The following CTNND2 variants were observed in gnomAD, a reference collection of about 807,000 sequenced individuals.
CTNND2 encodes the protein catenin delta 2.
A neutral mutation model predicts 144.4 loss-of-function variants in CTNND2; 22 were observed. The ratio of observed to expected loss-of-function variants is 0.15; its 90% CI spans 0.11 to 0.22. The LOEUF (loss-of-function observed/expected upper bound fraction) is 0.22, where lower values mean the gene tolerates loss of function less well. Ranked by LOEUF, CTNND2 falls within the 10% of genes least tolerant of loss-of-function variation. The pLI is 1.00. For synonymous variants in CTNND2, 751 were observed against 695.6 expected (o/e 1.08, Z -1.25); for missense variants, 1,353 against 1,618.8 (o/e 0.84, Z 2.82).
chr5:11,214,783 C>A (rs1167851920), intron 10 of CTNND2, among the ~76,000 whole-genome samples: 1 of 152,148 alleles, frequency 6.6e-6, no homozygotes, highest in South Asian at 2.1e-4. Context: ...GCAGGTTGTT[C>A]TCCCAGAGTC....
intron 11 of CTNND2, among the ~76,000 whole-genome samples, chr5:11,164,390 T>C (rs989547248): frequency 3.9e-5 from 6 of 152,336 alleles, no homozygotes; most frequent in East Asian, 3.9e-4. Context: ...AAACTTCCTA[T>C]GGTAGCCTCA....
intron 2 of CTNND2, among the ~76,000 whole-genome samples, chr5:11,695,705 A>C (rs1364930045): frequency 6.6e-6 from 1 of 152,198 alleles, no homozygotes; most frequent in Non-Finnish European, 1.5e-5. Context: ...ATGCTGTCTT[A>C]TCATTTTAGT....
chr5:11,231,191 A>G (rs245090), intron 10 of CTNND2, among the ~76,000 whole-genome samples: 2 of 152,030 alleles, frequency 1.3e-5, no homozygotes, highest in Non-Finnish European at 2.9e-5. Context: ...TTTCTGAGGC[A>G]TCTCCAGTCC....
intron 3 of CTNND2, among the ~76,000 whole-genome samples, chr5:11,453,544 G>C (rs1243361573): frequency 1.3e-5 from 2 of 151,966 alleles, no homozygotes; most frequent in African/African-American, 4.8e-5. Flanking sequence ...GAAATATCAG[G>C]GACTCAGAGT....
At chr5:11,518,267 AAAAT>A (rs545981072) in intron 3 of CTNND2, among the ~76,000 whole-genome samples, 141 of 147,406 alleles carry the variant, frequency 9.6e-4, no homozygotes, top group African/African-American at 3.2e-3. Flanking sequence ...AAGAGTAAAA[AAAAT>A]AAATAAATAA....
rs1311018776 is a variant in CTNND2, at chr5:11,492,501, ATATATG to A, written c.287+72437_287+72442del. Among the ~76,000 whole-genome samples the A allele has an allele frequency of 6.7e-3, 839 of 124,636 alleles. 12 individuals are homozygous for A. Among genetic ancestry groups the A allele is most frequent in the African/African-American group, 0.027 (791 of 28,938 alleles). The allele number at this position is 124,636 out of a possible 152,430, so 81.8% of individuals were successfully genotyped here. A position where few individuals can be genotyped will look rare whatever the true frequency, so the allele number is the denominator to read the frequency against. On this transcript the variant is annotated intron_variant, in intron 3 of 21. Transcript: ENST00000304623. Reference sequence around the variant, plus strand: ...TATCTCTTTCTACAGCTATATATATATATATGTGTGTGTGTGTGTGTGTGTGTGTGT... The same window carrying A: ...TATCTCTTTCTACAGCTATATATATATGTGTGTGTGTGTGTGTGTGTGTGT...
intron 1 of CTNND2, among the ~76,000 whole-genome samples, chr5:11,864,188 C>T (rs1486580820): frequency 6.6e-6 from 1 of 152,144 alleles, no homozygotes; most frequent in African/African-American, 2.4e-5. Flanking sequence ...AGGGACGCCA[C>T]CAGCAAAGGC....
chr5:11,645,530 T>A (rs564179430), intron 2 of CTNND2, among the ~76,000 whole-genome samples: 1 of 152,360 alleles, frequency 6.6e-6, no homozygotes, highest in East Asian at 1.9e-4. Context: ...TTATCTAGAT[T>A]TTTTAATTTT....
chr5:11,717,931 C>T (rs1299369022), intron 2 of CTNND2, among the ~76,000 whole-genome samples: 2 of 152,164 alleles, frequency 1.3e-5, no homozygotes, highest in African/African-American at 2.4e-5. Context: ...ACCATTAATG[C>T]TATCAACACC....
intron 14 of CTNND2, among the ~76,000 whole-genome samples, chr5:11,106,058 T>C (rs964432015): frequency 1.3e-5 from 2 of 152,188 alleles, no homozygotes; most frequent in East Asian, 1.9e-4. Flanking sequence ...CATCCAAATG[T>C]CATGAGGAGC....
intron 2 of CTNND2, among the ~76,000 whole-genome samples, chr5:11,578,532 G>A (rs766794329): frequency 1.1e-4 from 17 of 152,112 alleles, no homozygotes; most frequent in African/African-American, 2.4e-4. Flanking sequence ...ACGGTGGCAC[G>A]CACCTGTAGT....
At chr5:11,221,150 T>A (rs1196425170) in intron 10 of CTNND2, among the ~76,000 whole-genome samples, 1 of 152,204 alleles carries the variant, frequency 6.6e-6, no homozygotes, top group Non-Finnish European at 1.5e-5. Flanking sequence ...CCTATAGCTT[T>A]TCTTGAAACA....
At chr5:11,450,759 G>A (rs564958211) in intron 3 of CTNND2, among the ~76,000 whole-genome samples, 7 of 152,160 alleles carry the variant, frequency 4.6e-5, no homozygotes, top group African/African-American at 1.4e-4. Context: ...TTAGTTGGGC[G>A]TGGTGGCGCA....
intron 10 of CTNND2, among the ~76,000 whole-genome samples, chr5:11,232,393 G>A (rs1432329271): frequency 6.6e-6 from 1 of 152,240 alleles, no homozygotes; most frequent in African/African-American, 2.4e-5. Flanking sequence ...CAAAGCCATA[G>A]GGCAGAGCTG....
intron 3 of CTNND2, among the ~76,000 whole-genome samples, chr5:11,545,277 G>A (rs904013073): frequency 8.0e-5 from 12 of 150,746 alleles, no homozygotes; most frequent in African/African-American, 2.4e-4. Context: ...ACCTGAGATC[G>A]CACCACTGCA....
At chr5:11,279,149 G>A (rs1370479500) in intron 9 of CTNND2, among the ~76,000 whole-genome samples, 1 of 152,112 alleles carries the variant, frequency 6.6e-6, no homozygotes, top group Non-Finnish European at 1.5e-5. Context: ...TGATTGCTCG[G>A]TTCTATAGAC....
Position 11,519,324 on chromosome 5 carries a change from T to C in CTNND2, c.287+45620A>G, listed in dbSNP as rs751022608. On this transcript the variant is annotated intron_variant, in intron 3 of 21. Coordinates refer to ENST00000304623, the MANE Select transcript of CTNND2 (RefSeq NM_001332.4). ...TTGGACTTTTGACCCCTTCATTTCA[T>C]TGAAATTGACTTTGCTAAAGTCAAT... Among the ~76,000 whole-genome samples the C allele has an allele frequency of 2.0e-5, 3 of 152,170 alleles. No individual in the cohort carries two copies. The South Asian group carries it at 6.2e-4, about 32-fold the overall frequency.
intron 3 of CTNND2, among the ~76,000 whole-genome samples, chr5:11,471,425 T>C (rs1423548872): frequency 6.6e-6 from 1 of 152,204 alleles, no homozygotes; most frequent in African/African-American, 2.4e-5. Context: ...GATTGTTTCT[T>C]TAACAAAGAG....
chr5:11,878,783 G>C (rs1356360744), intron 1 of CTNND2, among the ~76,000 whole-genome samples: 1 of 152,138 alleles, frequency 6.6e-6, no homozygotes, highest in Non-Finnish European at 1.5e-5. Flanking sequence ...TATTTCCTGA[G>C]ACACCAACAA....
Sources: allele counts gnomAD v4.1 joint callset (sites outside exome capture counted in the v4.1 genomes callset), GRCh38; gene constraint gnomAD v4.1.1; transcripts MANE v1.5; gene names NCBI Gene and HGNC (gene_info 2026-07-23, HGNC 2026-07-21).